Variants in LRRC53 observed in about 807,000 individuals in gnomAD.
LRRC53 encodes leucine-rich repeat-containing protein 53.
In LRRC53, 25 loss-of-function variants were observed where a neutral mutation model predicts 13.6. The ratio of observed to expected loss-of-function variants is 1.83; its 90% CI spans 1.34 to 2.56. The LOEUF is 2.56. LRRC53 is among the 30% of genes most tolerant of loss of function. The pLI is 0.00. For missense variants in LRRC53, 527 were observed against 275.8 expected (o/e 1.91, Z -6.45); for synonymous variants, 204 against 109.8 (o/e 1.86, Z -5.37).
the LRRC53 span, among the ~76,000 whole-genome samples, chr1:74,519,629 G>C: frequency 6.6e-6 from 1 of 152,080 alleles, no homozygotes; most frequent in Non-Finnish European, 1.5e-5. Context: ...AAGAAAGCCA[G>C]AATAGAGATA....
intron 1 of LRRC53, among the ~76,000 whole-genome samples, chr1:74,503,098 G>A (rs968859200): frequency 3.9e-5 from 6 of 152,066 alleles, no homozygotes; most frequent in African/African-American, 1.4e-4. Flanking sequence ...CTCCACTGTG[G>A]TAGCCAAATG....
intron 4 of LRRC53, 111 bp from the exon 5 acceptor site, chr1:74,472,312 G>A (rs1287859248): frequency 1.6e-6 from 1 of 608,056 alleles, no homozygotes; most frequent in Non-Finnish European, 2.9e-6. Context: ...TCTGATAATT[G>A]CAGTTCTTCA....
chr1:74,496,925 G>C (rs575174605), intron 1 of LRRC53, among the ~76,000 whole-genome samples: 34 of 152,268 alleles, frequency 2.2e-4, no homozygotes, highest in African/African-American at 7.9e-4. Context: ...TAGTGTTTAT[G>C]TGGGGCTGGG....
rs45565935 is a variant in LRRC53, at chr1:74,506,940, C to T, written c.-27+5586G>A. 4.7e-3 allele frequency among the ~76,000 whole-genome samples: 714 copies of T among 152,198 alleles called. 4 individuals carry two copies. Among genetic ancestry groups the T allele is most frequent in the Non-Finnish European group, 6.0e-3 (410 of 68,020 alleles). On this transcript the variant is annotated intron_variant, in intron 1 of 4. Coordinates refer to ENST00000294635, the MANE Select transcript of LRRC53 (RefSeq NM_001382280.1). ...CCACTTTCTACTTGGTATCATGTCT[C>T]TGTTGAATAAGTTTCTTGAGGGGGA...
At chr1:74,515,460 C>A (rs1019745691), upstream of LRRC53, among the ~76,000 whole-genome samples, 1 of 152,070 alleles carries the variant, frequency 6.6e-6, no homozygotes, top group African/African-American at 2.4e-5. Context: ...TTTATCATGC[C>A]AATACATATA....
intron 1 of LRRC53, among the ~76,000 whole-genome samples, chr1:74,488,107 T>C (rs1194762026): frequency 6.6e-6 from 1 of 152,144 alleles, no homozygotes; most frequent in Non-Finnish European, 1.5e-5. Context: ...TTAGAGAGTA[T>C]GAAGTAAGCC....
chr1:74,520,057 G>A, the LRRC53 span, among the ~76,000 whole-genome samples: 2 of 152,098 alleles, frequency 1.3e-5, no homozygotes, highest in South Asian at 2.1e-4. Context: ...GGTTGCATGA[G>A]TAAGTTCTTT....
chr1:74,513,098 C>T (rs1646285892), upstream of LRRC53, among the ~76,000 whole-genome samples: 2 of 152,188 alleles, frequency 1.3e-5, no homozygotes. Context: ...TTAGAATCAA[C>T]CTAGCACACA....
At chr1:74,475,930 A>T (rs1668185209) in intron 3 of LRRC53, 120 bp from the exon 4 acceptor site, 1 of 460,720 alleles carries the variant, frequency 2.2e-6, no homozygotes, top group Non-Finnish European at 3.9e-6. Context: ...ATGGGTAGGA[A>T]GTCCTTCACC....
chr1:74,523,557 T>A, the LRRC53 span, among the ~76,000 whole-genome samples: 309 of 152,306 alleles, frequency 2.0e-3, 1 homozygote, highest in African/African-American at 7.0e-3. Flanking sequence ...GGCCATTAGC[T>A]GCTTATAGTA....
Position 74,496,754 on chromosome 1 carries a change from C to A in LRRC53, c.-26-13379G>T, listed in dbSNP as rs79264521. ...TGAGAAAGGCACTCTTGAAGTTCTG[C>A]CTCTTTTAAAATATTTTGTGCCTCT... is the stretch of plus-strand genomic sequence containing the variant. On this transcript the variant is annotated intron_variant, in intron 1 of 4. Coordinates refer to ENST00000294635, the MANE Select transcript of LRRC53 (RefSeq NM_001382280.1). Among the ~76,000 whole-genome samples, 577 of 152,198 alleles carry A rather than the reference C, an allele frequency of 3.8e-3. 18 individuals are homozygous for A. In the East Asian group the frequency reaches 0.078, roughly 21 times the overall value.
chr1:74,499,162 C>A (rs754386385), intron 1 of LRRC53, among the ~76,000 whole-genome samples: 6 of 152,142 alleles, frequency 3.9e-5, no homozygotes, highest in African/African-American at 7.2e-5. Context: ...AACTCAGGGT[C>A]TTTACTTTTC....
At chr1:74,524,033 G>C in the LRRC53 span, among the ~76,000 whole-genome samples, 6,246 of 152,246 alleles carry the variant, frequency 0.041, 405 homozygotes, top group African/African-American at 0.14. Context: ...ACTGAATGTG[G>C]AGTTGTTGCT....
chr1:74,512,372 C>G (rs1233576930), intron 1 of LRRC53, among the ~76,000 whole-genome samples, 154 bp downstream of exon 1: 1 of 152,194 alleles, frequency 6.6e-6, no homozygotes, highest in Non-Finnish European at 1.5e-5. Context: ...TGGCACTCAA[C>G]TATTCCTGCA....
At chr1:74,516,724 A>G (rs1041063178), upstream of LRRC53, among the ~76,000 whole-genome samples, 1 of 152,136 alleles carries the variant, frequency 6.6e-6, no homozygotes, top group African/African-American at 2.4e-5. Flanking sequence ...ATTCCCCATC[A>G]CTAATTCCAG....
At chr1:74,487,165 T>C (rs1203019377) in intron 1 of LRRC53, among the ~76,000 whole-genome samples, 3 of 152,140 alleles carry the variant, frequency 2.0e-5, no homozygotes, top group East Asian at 3.9e-4. Context: ...AGTATGTCTG[T>C]ATGCTGGTGG....
At chr1:74,533,360 A>T in the LRRC53 span, among the ~76,000 whole-genome samples, 1 of 152,188 alleles carries the variant, frequency 6.6e-6, no homozygotes, top group Non-Finnish European at 1.5e-5. Context: ...AACCACAATG[A>T]CATACCATCT....
At chr1:74,507,440 A>C (rs1669965503) in intron 1 of LRRC53, among the ~76,000 whole-genome samples, 1 of 152,066 alleles carries the variant, frequency 6.6e-6, no homozygotes, top group African/African-American at 2.4e-5. Flanking sequence ...ACACACACAC[A>C]TGCGCACGCA....
chr1:74,482,493 C>A (rs944925678), intron 2 of LRRC53, among the ~76,000 whole-genome samples: 2 of 152,208 alleles, frequency 1.3e-5, no homozygotes, highest in African/African-American at 4.8e-5. Flanking sequence ...TACACATCAA[C>A]TATCCATGAA....
Sources: gnomAD v4.1 joint callset for allele counts (sites outside exome capture counted in the v4.1 genomes callset) on GRCh38, gnomAD v4.1.1 for gene constraint, MANE v1.5 for transcripts, NCBI Gene and HGNC (gene_info 2026-07-23, HGNC 2026-07-21) for gene names.